DST: variants seen among roughly 807,000 people sequenced by gnomAD.
DST encodes the protein bullous pemphigoid antigen.
DST carries 253 observed loss-of-function variants against 875.2 expected under a neutral mutation model. That is an observed-to-expected ratio of 0.29 (90% CI 0.26 to 0.32). The LOEUF (loss-of-function observed/expected upper bound fraction) is 0.32, where lower values mean the gene tolerates loss of function less well. DST is among the 10% of genes least tolerant of loss of function. The pLI, the probability that DST is intolerant of heterozygous loss-of-function variation, is 1.00. For synonymous variants in DST, 3,124 were observed against 3,197.1 expected (o/e 0.98, Z 0.77); for missense variants, 8,287 against 9,111.6 (o/e 0.91, Z 3.68).
At chr6:56,868,992 C>CATA (rs1158579794) in intron 3 of DST, among the ~76,000 whole-genome samples, 1 of 152,164 alleles carries the variant, frequency 6.6e-6, no homozygotes, top group African/African-American at 2.4e-5. Context: ...CACAGCCCTA[C>CATA]ATAGAAATGA....
At chr6:56,790,615 T>C (rs2099719236) in intron 4 of DST, among the ~76,000 whole-genome samples, 1 of 152,210 alleles carries the variant, frequency 6.6e-6, no homozygotes, top group Non-Finnish European at 1.5e-5. Flanking sequence ...TCACTAAATA[T>C]GTCTGTGTAC....
At chr6:56,930,932 C>T (rs1381976351) in intron 2 of DST, among the ~76,000 whole-genome samples, 1 of 152,098 alleles carries the variant, frequency 6.6e-6, no homozygotes, top group Non-Finnish European at 1.5e-5. Flanking sequence ...CATTAATATA[C>T]AATGTGAAAG....
At chr6:56,949,831 G>A (rs1360871538) in intron 2 of DST, among the ~76,000 whole-genome samples, 1 of 152,168 alleles carries the variant, frequency 6.6e-6, no homozygotes. Flanking sequence ...CTTAATGAAA[G>A]ATGAAAATTT....
chr6:56,686,441 T>A (rs1490900284), intron 9 of DST, among the ~76,000 whole-genome samples: 1 of 152,168 alleles, frequency 6.6e-6, no homozygotes, highest in Non-Finnish European at 1.5e-5. Context: ...ATCTTAAATA[T>A]TTTTTTAAAT....
At position 56,616,900 on chromosome 6, in the gene DST, A is replaced by G. The variant is rs1554500971; in HGVS notation, c.4930-2416T>C. The G allele has an allele frequency of 6.2e-7, 1 of 1,612,924 alleles. No individual in the cohort carries two copies. The highest frequency in any genetic ancestry group is 1.1e-5 in the South Asian group (1 of 90,768). On this transcript the variant is annotated intron_variant, in intron 36 of 103. Coordinates refer to ENST00000680361, the MANE Select transcript of DST (RefSeq NM_001374736.1). The stretch of plus-strand genomic sequence containing the variant: ...CTTTAAGAACTGCATCTTCAACAGA[A>G]TATGTCTGACCTGAAATGGGATCAA...
In DST at chr6:56,687,342, C is replaced by T. The variant is rs186428243; in HGVS notation, c.1047+12311G>A. Among the ~76,000 whole-genome samples the T allele has an allele frequency of 4.1e-4, 63 of 152,260 alleles. 1 individual carries two copies. The East Asian group carries it at 0.011, about 27-fold the overall frequency. ...GATTCTTCTCCTACCTGATGAGTTT[C>T]ATTATTGCAAGAGTAAAACCTTAAC... On this transcript the variant is annotated intron_variant, in intron 9 of 103. Coordinates refer to ENST00000680361, the MANE Select transcript of DST (RefSeq NM_001374736.1).
At chr6:56,836,225 C>A (rs993070832) in intron 4 of DST, among the ~76,000 whole-genome samples, 1 of 151,900 alleles carries the variant, frequency 6.6e-6, no homozygotes, top group Non-Finnish European at 1.5e-5. Flanking sequence ...GCAGTATCTC[C>A]CAGTCAATAT....
At chr6:56,669,595 C>CAAA (rs531095657) in intron 10 of DST, among the ~76,000 whole-genome samples, 4,309 of 89,230 alleles carry the variant, frequency 0.048, 86 homozygotes, top group Non-Finnish European at 0.066. Context: ...GACTTCATCT[C>CAAA]AAAAAAAAAA....
intron 5 of DST, among the ~76,000 whole-genome samples, chr6:56,719,397 C>T (rs2099406425): frequency 6.6e-6 from 1 of 152,170 alleles, no homozygotes; most frequent in African/African-American, 2.4e-5. Context: ...CGGGGTTATA[C>T]ATTAAGAGGG....
At chr6:56,515,724 CCA>C in intron 71 of DST, 56 bp from the exon 72 acceptor site, 1 of 1,390,708 alleles carries the variant, frequency 7.2e-7, no homozygotes, top group Non-Finnish European at 1.0e-6. Flanking sequence ...CACACACACT[CCA>C]GAGTGCTCTG....
chr6:56,728,127 A>T (rs903665538), intron 5 of DST, among the ~76,000 whole-genome samples: 1 of 152,238 alleles, frequency 6.6e-6, no homozygotes, highest in Non-Finnish European at 1.5e-5. Context: ...AGATAGAACT[A>T]AAGTTATTTG....
intron 2 of DST, among the ~76,000 whole-genome samples, chr6:56,918,672 G>A (rs1278132583): frequency 6.6e-6 from 1 of 152,130 alleles, no homozygotes; most frequent in East Asian, 1.9e-4. Context: ...CACTATGAAA[G>A]TGCCTTTTTA....
Position 56,529,507 on chromosome 6 carries a change from T to C in DST, c.17536A>G (p.Lys5846Glu). The change falls in exon 66 of 104, where the codon AAG (lysine) becomes GAG (glutamate). Residue 5846 changes from lysine (K) to glutamate (E), a missense_variant. Physicochemically the swap from Lys to Glu is moderately conservative, Grantham distance 56. This residue lies in a region of DST where 777 missense variants were observed against 764.8 expected (regional missense o/e 1.02). Transcript: ENST00000680361. Reference protein sequence around the residue: ...WLNEVHDKLSKLSVQDYSTEG... With the variant: ...WLNEVHDKLSELSVQDYSTEG... ...GTGCTGTAATCCTGGACTGAGAGCT[T>C]GCTCAGTTTGTCATGCACTTCATTC... is the stretch of plus-strand genomic sequence containing the variant. 2 of 1,610,962 alleles carry C rather than the reference T, an allele frequency of 1.2e-6. No individual in the cohort carries two copies. Among genetic ancestry groups the C allele is most frequent in the Non-Finnish European group, 1.7e-6 (2 of 1,178,276 alleles).
Position 56,954,459 on chromosome 6 carries a change from C to A in DST, c.129G>T (p.Gln43His). The A allele has an allele frequency of 7.3e-7, 1 of 1,367,568 alleles. No individual in the cohort carries two copies. Among genetic ancestry groups the A allele is most frequent in the Non-Finnish European group, 9.8e-7 (1 of 1,021,838 alleles). The allele number at this position is 1,367,568 out of a possible 1,614,324, so 84.7% of individuals were successfully genotyped here. ...VFFCCWHRKL[Q>H]KGRHPMKSVF... ...CCGATTTCATCGGATGCCTCCCTTTCTGGAGCTTGCGGTGCCAGCAGCAGA... is the reference window on the plus strand; with the variant it reads ...CCGATTTCATCGGATGCCTCCCTTTATGGAGCTTGCGGTGCCAGCAGCAGA... The change falls in exon 1 of 104, where the codon CAG becomes CAT. Residue 43 changes from glutamine to histidine, a missense_variant. Gln to His is a conservative substitution (Grantham distance 24). Around this residue, in one of 10 missense-constraint regions of DST, gnomAD observed 1,160 missense variants for 1,424.3 expected, o/e 0.81. Coordinates refer to ENST00000680361, the MANE Select transcript of DST (RefSeq NM_001374736.1).
chr6:56,783,468 C>T (rs1226165477), intron 4 of DST, among the ~76,000 whole-genome samples: 1 of 152,160 alleles, frequency 6.6e-6, no homozygotes, highest in African/African-American at 2.4e-5. Context: ...GATCCCTTTA[C>T]CATTACGTAA....
At chr6:56,803,514 C>T (rs1440175345) in intron 4 of DST, among the ~76,000 whole-genome samples, 1 of 152,100 alleles carries the variant, frequency 6.6e-6, no homozygotes, top group Non-Finnish European at 1.5e-5. Flanking sequence ...TAACTACCAC[C>T]ATTTTCTTTT....
chr6:56,528,977 A>G, intron 66 of DST, 52 bp from the exon 67 acceptor site: 1 of 1,130,266 alleles, frequency 8.8e-7, no homozygotes, highest in South Asian at 1.4e-5. Flanking sequence ...TTAAGTTAGC[A>G]TTAACATTAG....
chr6:56,641,527 G>A (rs1020546365), intron 17 of DST, among the ~76,000 whole-genome samples: 91 of 152,160 alleles, frequency 6.0e-4, no homozygotes, highest in African/African-American at 2.1e-3. Context: ...GGCAGAGGCT[G>A]CAGTGAGCCG....
At chr6:56,512,017 C>T (rs1177307913) in intron 72 of DST, among the ~76,000 whole-genome samples, 1 of 151,926 alleles carries the variant, frequency 6.6e-6, no homozygotes, top group African/African-American at 2.4e-5. Context: ...AATGAATGAA[C>T]ATGTATTACA....
Sources: allele counts gnomAD v4.1 joint callset (sites outside exome capture counted in the v4.1 genomes callset), GRCh38; gene constraint gnomAD v4.1.1; regional missense constraint gnomAD v4.1.1; transcripts MANE v1.5; gene names NCBI Gene and HGNC (gene_info 2026-07-23, HGNC 2026-07-21).